Variants in MSRA observed in about 807,000 individuals in gnomAD.
MSRA encodes mitochondrial peptide methionine sulfoxide reductase.
A neutral mutation model predicts 31.3 loss-of-function variants in MSRA; 54 were observed. That is an observed-to-expected ratio of 1.73 (90% CI 1.39 to 2.17). The LOEUF (loss-of-function observed/expected upper bound fraction) is 2.17, where lower values mean the gene tolerates loss of function less well. Among genes scored for constraint, MSRA ranks in the 30% most tolerant of loss-of-function variants. The probability of loss-of-function intolerance (pLI) is 0.00; values close to 1 mark genes in which losing one functional copy is unlikely to be tolerated. For synonymous variants in MSRA, 169 were observed against 116.5 expected (o/e 1.45, Z -2.90); for missense variants, 507 against 300.9 (o/e 1.69, Z -5.07).
intron 1 of MSRA, among the ~76,000 whole-genome samples, chr8:10,114,682 T>C (rs1287553657): frequency 2.0e-5 from 3 of 152,156 alleles, no homozygotes. Flanking sequence ...ATAATTGAAG[T>C]GACGGGTCAG....
At chr8:10,402,658 T>C (rs564452619) in intron 5 of MSRA, among the ~76,000 whole-genome samples, 1 of 152,314 alleles carries the variant, frequency 6.6e-6, no homozygotes, top group East Asian at 1.9e-4. Flanking sequence ...GGAAAGAAAC[T>C]GTCCCGACAC....
At chr8:10,428,122 G>A in intron 5 of MSRA, 26 bp from the exon 6 acceptor site, 17 of 1,603,922 alleles carry the variant, frequency 1.1e-5, no homozygotes, top group Non-Finnish European at 1.4e-5. Context: ...CATGGGAGCT[G>A]ATGGCGCCTT....
intron 1 of MSRA, among the ~76,000 whole-genome samples, chr8:10,112,022 T>G (rs942267233): frequency 7.1e-5 from 10 of 141,102 alleles, no homozygotes; most frequent in South Asian, 2.5e-4. Flanking sequence ...ATTTTTCTTT[T>G]TAAGACTCAG....
At chr8:10,258,840 C>T (rs1312579840) in intron 3 of MSRA, among the ~76,000 whole-genome samples, 1 of 152,198 alleles carries the variant, frequency 6.6e-6, no homozygotes, top group Non-Finnish European at 1.5e-5. Context: ...GGTGCGGAGG[C>T]TCATGCCTGT....
chr8:10,124,126 A>G (rs188881242), intron 1 of MSRA, among the ~76,000 whole-genome samples: 2 of 152,246 alleles, frequency 1.3e-5, no homozygotes, highest in Non-Finnish European at 2.9e-5. Context: ...CCACTGGATC[A>G]GAAGACATCT....
intron 3 of MSRA, among the ~76,000 whole-genome samples, chr8:10,288,485 C>T (rs1289481339): frequency 1.3e-5 from 2 of 152,128 alleles, no homozygotes; most frequent in Non-Finnish European, 2.9e-5. Flanking sequence ...AGTTCTTAAG[C>T]CTCAGTTGCT....
intron 5 of MSRA, among the ~76,000 whole-genome samples, chr8:10,366,400 C>T (rs1805168790): frequency 6.6e-6 from 1 of 152,240 alleles, no homozygotes; most frequent in Non-Finnish European, 1.5e-5. Context: ...CACTGCGTGG[C>T]CCTGAGCCAG....
chr8:10,380,064 G>A (rs910982713), intron 5 of MSRA, among the ~76,000 whole-genome samples: 1 of 152,200 alleles, frequency 6.6e-6, no homozygotes, highest in African/African-American at 2.4e-5. Flanking sequence ...GGAGAGTGCT[G>A]ATGTCCATCT....
chr8:10,268,568 A>C (rs1481936430), intron 3 of MSRA, among the ~76,000 whole-genome samples: 1 of 152,250 alleles, frequency 6.6e-6, no homozygotes, highest in African/African-American at 2.4e-5. Flanking sequence ...AGCGCCTAGC[A>C]CATAGTAAGA....
rs116441277 is a variant in MSRA, at chr8:10,305,726, C to T, written c.436+4088C>T. Among the ~76,000 whole-genome samples the T allele has an allele frequency of 1.4e-3, 212 of 152,206 alleles. 1 individual carries two copies. The highest frequency in any genetic ancestry group is 4.7e-3 in the African/African-American group (197 of 41,532). ...TGAACCACTGTGCCTAGCCTTCTGC[C>T]ATTTTGGAGGGAGCAAAGCTGGTAA... On this transcript the variant is annotated intron_variant, in intron 4 of 5. Coordinates refer to ENST00000317173, the MANE Select transcript of MSRA (RefSeq NM_012331.5).
In MSRA at chr8:10,398,311, A is replaced by T. The variant is rs541804076; in HGVS notation, c.544-29837A>T. Reference sequence around the variant, plus strand: ...CTTCTCTTCATAGTGAAAGGGCTGGATTCTGCCTTTATGTAATTCCACCCA... The same window carrying T: ...CTTCTCTTCATAGTGAAAGGGCTGGTTTCTGCCTTTATGTAATTCCACCCA... On this transcript the variant is annotated intron_variant, in intron 5 of 5. Coordinates refer to ENST00000317173, the MANE Select transcript of MSRA (RefSeq NM_012331.5). Among the ~76,000 whole-genome samples the T allele has an allele frequency of 3.9e-5, 6 of 152,300 alleles. No homozygotes were observed. The South Asian group carries it at 1.2e-3, about 32-fold the overall frequency.
chr8:10,061,458 T>C (rs1392753676), intron 1 of MSRA, among the ~76,000 whole-genome samples: 1 of 152,146 alleles, frequency 6.6e-6, no homozygotes, highest in African/African-American at 2.4e-5. Flanking sequence ...GACAAATAGC[T>C]ATGTACTACT....
intron 2 of MSRA, among the ~76,000 whole-genome samples, chr8:10,213,119 G>A (rs1274341303): frequency 6.6e-6 from 1 of 152,058 alleles, no homozygotes; most frequent in African/African-American, 2.4e-5. Flanking sequence ...ACTATCAAAT[G>A]CTAGGTCTCA....
At chr8:10,354,033 A>G (rs1291364534) in intron 5 of MSRA, 1 of 158,560 alleles carries the variant, frequency 6.3e-6, no homozygotes, top group Non-Finnish European at 1.4e-5. Flanking sequence ...ATTGCAGTGT[A>G]TCTTATTATA....
At chr8:10,109,326 A>T (rs1800111185) in intron 1 of MSRA, among the ~76,000 whole-genome samples, 1 of 150,716 alleles carries the variant, frequency 6.6e-6, no homozygotes, top group Non-Finnish European at 1.5e-5. Flanking sequence ...TTCTTTTTTT[A>T]CTTTTCTTTT....
chr8:10,207,684 A>G, intron 1 of MSRA, 149 bp from the exon 2 acceptor site: 1 of 633,508 alleles, frequency 1.6e-6, no homozygotes, highest in Admixed American at 3.1e-5. Flanking sequence ...GAGATGAAAA[A>G]CAAAATAATT....
intron 2 of MSRA, among the ~76,000 whole-genome samples, chr8:10,222,630 A>G (rs980417624): frequency 6.6e-6 from 1 of 152,222 alleles, no homozygotes; most frequent in Admixed American, 6.5e-5. Flanking sequence ...TGCGGTATAT[A>G]TACACAATGG....
chr8:10,172,524 G>A (rs1805679434), intron 1 of MSRA, among the ~76,000 whole-genome samples: 1 of 152,174 alleles, frequency 6.6e-6, no homozygotes, highest in African/African-American at 2.4e-5. Flanking sequence ...TAGCGTAGGG[G>A]CGGAGGTTAG....
At chr8:10,333,505 A>C (rs1280299195) in intron 5 of MSRA, among the ~76,000 whole-genome samples, 1 of 152,184 alleles carries the variant, frequency 6.6e-6, no homozygotes, top group African/African-American at 2.4e-5. Context: ...TGACTTGGGC[A>C]GCAGTGGCTC....
Sources: allele counts gnomAD v4.1 joint callset (sites outside exome capture counted in the v4.1 genomes callset), GRCh38; gene constraint gnomAD v4.1.1; transcripts MANE v1.5; gene names NCBI Gene and HGNC (gene_info 2026-07-23, HGNC 2026-07-21).